Variants in LSAMP observed in about 807,000 individuals in gnomAD.
The protein encoded by LSAMP is limbic system-associated membrane protein.
A neutral mutation model predicts 38.6 loss-of-function variants in LSAMP; 7 were observed. That is an observed-to-expected ratio of 0.18 (90% CI 0.10 to 0.34). The LOEUF (loss-of-function observed/expected upper bound fraction) is 0.34, where lower values mean the gene tolerates loss of function less well. LSAMP is among the 10% of genes least tolerant of loss of function. The pLI is 1.00. For missense variants in LSAMP, 313 were observed against 420.0 expected (o/e 0.75, Z 2.23); for synonymous variants, 154 against 166.8 (o/e 0.92, Z 0.59).
chr3:116,340,899 A>C (rs1401526342), intron 1 of LSAMP, among the ~76,000 whole-genome samples: 2 of 152,014 alleles, frequency 1.3e-5, no homozygotes, highest in Non-Finnish European at 2.9e-5. Context: ...AATTCTTTGT[A>C]ATTTTCTCTG....
chr3:116,283,144 C>G (rs938711051), intron 1 of LSAMP, among the ~76,000 whole-genome samples: 2 of 151,426 alleles, frequency 1.3e-5, no homozygotes, highest in Non-Finnish European at 2.9e-5. Flanking sequence ...CCCCAAAGTC[C>G]CAATCCCAGA....
intron 3 of LSAMP, among the ~76,000 whole-genome samples, chr3:115,889,168 T>G (rs2107453598): frequency 6.6e-6 from 1 of 152,092 alleles, no homozygotes; most frequent in Non-Finnish European, 1.5e-5. Flanking sequence ...AAGGTGAGCC[T>G]GAAGATGGGC....
chr3:116,229,581 T>C (rs914671932), intron 1 of LSAMP, among the ~76,000 whole-genome samples: 1 of 152,152 alleles, frequency 6.6e-6, no homozygotes, highest in Non-Finnish European at 1.5e-5. Flanking sequence ...ATGAAATCAC[T>C]ATGAAATAAC....
chr3:116,270,779 C>CAAAGT (rs1219722614), intron 1 of LSAMP, among the ~76,000 whole-genome samples: 1 of 152,050 alleles, frequency 6.6e-6, no homozygotes, highest in Non-Finnish European at 1.5e-5. Context: ...AGAAAAAGTT[C>CAAAGT]AAAGTAAACC....
At chr3:115,994,215 A>G (rs767321397) in intron 3 of LSAMP, among the ~76,000 whole-genome samples, 10 of 152,006 alleles carry the variant, frequency 6.6e-5, no homozygotes, top group Non-Finnish European at 1.0e-4. Context: ...GGAAACAATA[A>G]CCAAATAAAA....
At chr3:116,196,779 TATTTC>T (rs772706159) in intron 1 of LSAMP, among the ~76,000 whole-genome samples, 257 of 152,264 alleles carry the variant, frequency 1.7e-3, no homozygotes, top group Non-Finnish European at 3.0e-3. Context: ...TGCTCCCCAT[TATTTC>T]ATTCATTGTA....
At chr3:116,263,598 G>GTGA (rs1195901454) in intron 1 of LSAMP, among the ~76,000 whole-genome samples, 1 of 151,320 alleles carries the variant, frequency 6.6e-6, no homozygotes, top group East Asian at 1.9e-4. Flanking sequence ...TGTATATTGA[G>GTGA]TGATATGGTT....
At chr3:115,939,460 T>C (rs1937819848) in intron 3 of LSAMP, among the ~76,000 whole-genome samples, 1 of 152,212 alleles carries the variant, frequency 6.6e-6, no homozygotes, top group Admixed American at 6.5e-5. Context: ...CCTGTGCTTT[T>C]GATGTTATAC....
intron 2 of LSAMP, among the ~76,000 whole-genome samples, chr3:116,060,845 AAT>A (rs1337588842): frequency 6.6e-6 from 1 of 152,074 alleles, no homozygotes; most frequent in African/African-American, 2.4e-5. Flanking sequence ...TTGCACCTAC[AAT>A]ACCTGAGGAA....
intron 1 of LSAMP, among the ~76,000 whole-genome samples, chr3:116,163,542 G>A (rs1709953990): frequency 6.6e-6 from 1 of 151,768 alleles, no homozygotes; most frequent in African/African-American, 2.4e-5. Context: ...ACATACGTGT[G>A]CATGTGTCTT....
chr3:116,300,526 G>A (rs1398233460), intron 1 of LSAMP, among the ~76,000 whole-genome samples: 2 of 152,190 alleles, frequency 1.3e-5, no homozygotes, highest in African/African-American at 4.8e-5. Context: ...CAGGAGGTAA[G>A]GGGCAGGCCT....
At chr3:116,232,500 T>A (rs1443691904) in intron 1 of LSAMP, among the ~76,000 whole-genome samples, 1 of 152,142 alleles carries the variant, frequency 6.6e-6, no homozygotes, top group Non-Finnish European at 1.5e-5. Flanking sequence ...GTCCATTCAG[T>A]ATCGAGATAG....
chr3:116,177,607 A>C (rs1710380407), intron 1 of LSAMP, among the ~76,000 whole-genome samples: 1 of 152,228 alleles, frequency 6.6e-6, no homozygotes, highest in Non-Finnish European at 1.5e-5. Flanking sequence ...TAATACAATA[A>C]AAATAATTCT....
chr3:116,323,858 A>G (rs917055903), intron 1 of LSAMP, among the ~76,000 whole-genome samples: 3 of 152,110 alleles, frequency 2.0e-5, no homozygotes, highest in African/African-American at 7.2e-5. Context: ...TTCTTTATGT[A>G]TTGCTCATGA....
In LSAMP at chr3:116,125,719, T is replaced by C. The variant is rs146080494; in HGVS notation, c.156-39163A>G. 3.7e-3 allele frequency among the ~76,000 whole-genome samples: 562 copies of C among 152,294 alleles called. 1 individual carries two copies. Among genetic ancestry groups the C allele is most frequent in the African/African-American group, 0.013 (538 of 41,556 alleles). ...CTCACCTTCAATCCACTACTCATAA[T>C]AGGCTTTATAAATTAGGGCAGTTCA... On this transcript the variant is annotated intron_variant, in intron 1 of 6. Transcript: ENST00000490035.
At chr3:115,992,546 CCA>C (rs1204660346) in intron 3 of LSAMP, among the ~76,000 whole-genome samples, 1 of 151,876 alleles carries the variant, frequency 6.6e-6, no homozygotes, top group African/African-American at 2.4e-5. Context: ...TCATTTGAAA[CCA>C]CAGAGTCAAA....
At chr3:115,870,995 A>G (rs1291701727) in intron 3 of LSAMP, among the ~76,000 whole-genome samples, 1 of 152,164 alleles carries the variant, frequency 6.6e-6, no homozygotes, top group Non-Finnish European at 1.5e-5. Context: ...ACATGAAATC[A>G]CAGGCAAGCT....
At chr3:115,859,943 G>A (rs770271733) in intron 3 of LSAMP, among the ~76,000 whole-genome samples, 2 of 152,138 alleles carry the variant, frequency 1.3e-5, no homozygotes, top group Non-Finnish European at 2.9e-5. Context: ...CCTTCTAAAT[G>A]TGATGCTTGA....
chr3:116,073,075 A>T (rs1418888858), intron 2 of LSAMP, among the ~76,000 whole-genome samples: 1 of 152,094 alleles, frequency 6.6e-6, no homozygotes, highest in Non-Finnish European at 1.5e-5. Context: ...TCCTGAGTTA[A>T]TTTTTTTATA....
Sources: gnomAD v4.1 joint callset for allele counts (sites outside exome capture counted in the v4.1 genomes callset) on GRCh38, gnomAD v4.1.1 for gene constraint, MANE v1.5 for transcripts, NCBI Gene and HGNC (gene_info 2026-07-23, HGNC 2026-07-21) for gene names.